The following NDUFAF2 variants were observed in gnomAD, a reference collection of about 807,000 sequenced individuals.
NDUFAF2 encodes the protein NADH:ubiquinone oxidoreductase complex assembly factor 2, also known as NADH dehydrogenase [ubiquinone] 1 alpha subcomplex assembly factor 2.
NDUFAF2 carries 13 observed loss-of-function variants against 22.8 expected under a neutral mutation model. That is an observed-to-expected ratio of 0.57 (90% CI 0.37 to 0.91). NDUFAF2 has a LOEUF of 0.91. Among genes scored for constraint, NDUFAF2 ranks in the 40% least tolerant of loss-of-function variants. The probability of loss-of-function intolerance (pLI) is 0.01; values close to 1 mark genes in which losing one functional copy is unlikely to be tolerated. For missense variants in NDUFAF2, 162 were observed against 195.2 expected (o/e 0.83, Z 1.01); for synonymous variants, 53 against 64.2 (o/e 0.83, Z 0.84).
intron 1 of NDUFAF2, among the ~76,000 whole-genome samples, chr5:61,016,024 A>G (rs1751504507): frequency 6.6e-6 from 1 of 152,024 alleles, no homozygotes; most frequent in African/African-American, 2.4e-5. Flanking sequence ...TGTCTCTACA[A>G]AAAATACAAA....
intron 1 of NDUFAF2, among the ~76,000 whole-genome samples, chr5:61,002,272 G>A (rs1286843826): frequency 6.6e-6 from 1 of 152,056 alleles, no homozygotes; most frequent in Non-Finnish European, 1.5e-5. Context: ...AAGAATTGTA[G>A]TTTTACTTTA....
rs745588302 is a variant in NDUFAF2 at position 60,945,279 on chromosome 5, C to G, written c.24C>G (p.Phe8Leu). Residue 8 changes from phenylalanine (F) to leucine (L), a missense_variant, in exon 1 of 4, where the codon TTC becomes TTG. This residue lies in a region of NDUFAF2 where 94 missense variants were observed against 85.2 expected (regional missense o/e 1.10). Transcript: ENST00000296597. The part of the protein sequence containing the change: MGWSQDL[F>L]RALWRSLSRE... ...GCATGGGTTGGTCTCAGGATTTGTT[C>G]CGCGCCTTGTGGAGATCGCTGTCAA... 1 of 1,613,622 alleles carries G rather than the reference C, an allele frequency of 6.2e-7. No homozygotes were observed. Among genetic ancestry groups the G allele is most frequent in the South Asian group, 1.1e-5 (1 of 90,968 alleles).
chr5:61,059,994 A>G (rs1752144140), intron 1 of NDUFAF2, among the ~76,000 whole-genome samples: 1 of 152,172 alleles, frequency 6.6e-6, no homozygotes. Context: ...CTAATTTTAA[A>G]ATCTTAAACA....
intron 2 of NDUFAF2, among the ~76,000 whole-genome samples, chr5:61,094,801 C>T (rs558749792): frequency 2.0e-5 from 3 of 152,352 alleles, no homozygotes; most frequent in African/African-American, 7.2e-5. Context: ...CCAATGAAGG[C>T]TGCGAAACAG....
intron 2 of NDUFAF2, 146 bp downstream of exon 2, chr5:61,073,360 T>A (rs1206467040): frequency 1.5e-6 from 1 of 669,810 alleles, no homozygotes; most frequent in Non-Finnish European, 2.7e-6. Context: ...TTTTTTAACA[T>A]TGCATTTCTT....
intron 2 of NDUFAF2, among the ~76,000 whole-genome samples, chr5:61,089,031 T>G (rs1454026257): frequency 1.3e-5 from 2 of 152,126 alleles, no homozygotes; most frequent in African/African-American, 4.8e-5. Flanking sequence ...TACTTGCCAT[T>G]TTTAGCACCT....
At chr5:60,995,268 A>T (rs1340185679) in intron 1 of NDUFAF2, among the ~76,000 whole-genome samples, 1 of 152,188 alleles carries the variant, frequency 6.6e-6, no homozygotes, top group Non-Finnish European at 1.5e-5. Flanking sequence ...GTGTCTGGGC[A>T]TTGAAAGGTT....
At chr5:61,041,342 G>T (rs1005688114) in intron 1 of NDUFAF2, among the ~76,000 whole-genome samples, 2 of 151,924 alleles carry the variant, frequency 1.3e-5, no homozygotes, top group African/African-American at 4.8e-5. Context: ...GAATATTTTT[G>T]ATCGAAGAGT....
rs80098008 is a variant in NDUFAF2, at chr5:61,139,073, A to C, written c.259-13631A>C. ...AGAGAATACAGATACTCCTTAACTT[A>C]CCATGAGGTTATATCCCGATAAACC... On this transcript the variant is annotated intron_variant, in intron 3 of 3. Transcript: ENST00000296597. Among the ~76,000 whole-genome samples, 1,285 of 152,294 alleles carry C rather than the reference A, an allele frequency of 8.4e-3. 21 individuals are homozygous for C. Among genetic ancestry groups the C allele is most frequent in the African/African-American group, 0.03 (1,231 of 41,552 alleles).
At chr5:61,037,266 G>C (rs1561547658) in intron 1 of NDUFAF2, among the ~76,000 whole-genome samples, 1 of 152,176 alleles carries the variant, frequency 6.6e-6, no homozygotes, top group Non-Finnish European at 1.5e-5. Flanking sequence ...TGTTAGGGAA[G>C]GCTTTGTAGA....
At chr5:60,963,472 A>G (rs543415353) in intron 1 of NDUFAF2, among the ~76,000 whole-genome samples, 48 of 152,260 alleles carry the variant, frequency 3.2e-4, no homozygotes, top group Admixed American at 5.2e-4. Flanking sequence ...AGTGTTGTAC[A>G]TTGTACTGCA....
intron 1 of NDUFAF2, among the ~76,000 whole-genome samples, chr5:61,041,883 A>G (rs966398838): frequency 6.6e-6 from 1 of 152,210 alleles, no homozygotes; most frequent in Non-Finnish European, 1.5e-5. Context: ...TTCACATGCC[A>G]TGAATCAATC....
chr5:60,967,174 A>T (rs1189746845), intron 1 of NDUFAF2, among the ~76,000 whole-genome samples: 1 of 151,898 alleles, frequency 6.6e-6, no homozygotes. Context: ...AGAAACACTG[A>T]TTTTTTGTGT....
chr5:60,958,066 C>A (rs2112566015), intron 1 of NDUFAF2, among the ~76,000 whole-genome samples: 2 of 152,262 alleles, frequency 1.3e-5, no homozygotes, highest in East Asian at 3.9e-4. Context: ...TATATTGATT[C>A]TTTCTAAGCA....
chr5:61,006,537 T>C (rs1751368909), intron 1 of NDUFAF2, among the ~76,000 whole-genome samples: 2 of 152,192 alleles, frequency 1.3e-5, no homozygotes, highest in African/African-American at 4.8e-5. Context: ...TTGGGCAGTG[T>C]GGCCATTTTC....
At chr5:60,981,173 G>T (rs1243579622) in intron 1 of NDUFAF2, among the ~76,000 whole-genome samples, 3 of 152,048 alleles carry the variant, frequency 2.0e-5, no homozygotes, top group Non-Finnish European at 4.4e-5. Context: ...ATAAAGAAAG[G>T]ATCCTAAAAG....
At chr5:61,136,185 G>C (rs1740935693) in intron 3 of NDUFAF2, among the ~76,000 whole-genome samples, 1 of 150,840 alleles carries the variant, frequency 6.6e-6, no homozygotes, top group South Asian at 2.1e-4. Context: ...ATGACACTCT[G>C]TTTATCAAAA....
At chr5:61,035,026 A>G (rs986149942) in intron 1 of NDUFAF2, among the ~76,000 whole-genome samples, 1 of 151,684 alleles carries the variant, frequency 6.6e-6, no homozygotes, top group Non-Finnish European at 1.5e-5. Context: ...CATTGGGAGC[A>G]TAAACATCTG....
At chr5:61,098,397 A>G (rs1232153844) in intron 2 of NDUFAF2, among the ~76,000 whole-genome samples, 2 of 152,082 alleles carry the variant, frequency 1.3e-5, no homozygotes, top group African/African-American at 4.8e-5. Flanking sequence ...CTCCCTTCCC[A>G]TTGCTGCAAA....
Sources: allele counts gnomAD v4.1 joint callset (sites outside exome capture counted in the v4.1 genomes callset), GRCh38; gene constraint gnomAD v4.1.1; regional missense constraint gnomAD v4.1.1; transcripts MANE v1.5; gene names NCBI Gene and HGNC (gene_info 2026-07-23, HGNC 2026-07-21).